Variants in ABTB3 observed in about 807,000 individuals in gnomAD.
ABTB3 encodes ankyrin repeat and BTB domain containing 3.
At chr12:107,495,481 C>T in the ABTB3 span, among the ~76,000 whole-genome samples, 1 of 152,120 alleles carries the variant, frequency 6.6e-6, no homozygotes, top group Non-Finnish European at 1.5e-5. Context: ...GTTCATAGTC[C>T]CTGGATTGGG....
the ABTB3 span, among the ~76,000 whole-genome samples, chr12:107,383,730 T>C: frequency 6.6e-6 from 1 of 152,196 alleles, no homozygotes; most frequent in East Asian, 1.9e-4. Context: ...AGGCACTGCA[T>C]AAATACACAT....
the ABTB3 span, among the ~76,000 whole-genome samples, chr12:107,657,003 G>T: frequency 6.6e-6 from 1 of 152,060 alleles, no homozygotes. Context: ...AGATCATGCC[G>T]CTGCGCTCCA....
At chr12:107,642,254 G>A in the ABTB3 span, 1 of 1,284,036 alleles carries the variant, frequency 7.8e-7, no homozygotes. Context: ...CTGAGGATTG[G>A]CCACTTGGAG....
the ABTB3 span, chr12:107,649,384 G>C: frequency 1.9e-6 from 2 of 1,027,822 alleles, no homozygotes; most frequent in Non-Finnish European, 3.1e-6. Context: ...CCCGTGTTGG[G>C]TTTTCATTTG....
chr12:107,578,249 G>A, the ABTB3 span, among the ~76,000 whole-genome samples: 3 of 152,124 alleles, frequency 2.0e-5, no homozygotes, highest in African/African-American at 7.2e-5. Flanking sequence ...AATGTTGAAA[G>A]GAGAGAATAG....
the ABTB3 span, among the ~76,000 whole-genome samples, chr12:107,468,488 G>C: frequency 6.6e-6 from 1 of 152,160 alleles, no homozygotes; most frequent in Non-Finnish European, 1.5e-5. Flanking sequence ...TGCCAGCTGG[G>C]CACGGGAGAC....
At chr12:107,573,508 G>GGATGGATGGATA in the ABTB3 span, among the ~76,000 whole-genome samples, 2 of 151,838 alleles carry the variant, frequency 1.3e-5, no homozygotes, top group Admixed American at 6.6e-5. Context: ...ATGGATGGAT[G>GGATGGATGGATA]GATAGATGGA....
At chr12:107,586,599 G>C in the ABTB3 span, among the ~76,000 whole-genome samples, 1 of 152,186 alleles carries the variant, frequency 6.6e-6, no homozygotes, top group Admixed American at 6.5e-5. Flanking sequence ...TGATGTCAAT[G>C]CATTAGCGCC....
the ABTB3 span, among the ~76,000 whole-genome samples, chr12:107,644,846 T>G: frequency 6.6e-6 from 1 of 152,152 alleles, no homozygotes; most frequent in East Asian, 1.9e-4. Flanking sequence ...TGGATGAAGC[T>G]GGATTACAGG....
At chr12:107,624,195 G>T in the ABTB3 span, among the ~76,000 whole-genome samples, 63 of 143,158 alleles carry the variant, frequency 4.4e-4, 1 homozygote, top group East Asian at 2.2e-3. Flanking sequence ...GATCGGTGGG[G>T]TTTTTTTTTT....
At chr12:107,621,186 C>T in the ABTB3 span, among the ~76,000 whole-genome samples, 18 of 152,272 alleles carry the variant, frequency 1.2e-4, no homozygotes, top group African/African-American at 3.1e-4. Context: ...TTCTCATTAG[C>T]GCCCATCCTT....
the ABTB3 span, among the ~76,000 whole-genome samples, chr12:107,531,625 G>A: frequency 1.3e-5 from 2 of 152,042 alleles, no homozygotes; most frequent in Non-Finnish European, 2.9e-5. Context: ...CTAGTTACAG[G>A]AAAACCCCTC....
At chr12:107,438,853 A>T in the ABTB3 span, among the ~76,000 whole-genome samples, 1 of 152,226 alleles carries the variant, frequency 6.6e-6, no homozygotes, top group Non-Finnish European at 1.5e-5. Flanking sequence ...CTTGGGGGGA[A>T]GTTGCTCCAG....
the ABTB3 span, chr12:107,651,881 G>A: frequency 2.9e-6 from 3 of 1,047,650 alleles, no homozygotes; most frequent in Non-Finnish European, 4.3e-6. Flanking sequence ...CAGAGAGTGG[G>A]TGCTGGGCCA....
the ABTB3 span, among the ~76,000 whole-genome samples, chr12:107,343,215 A>G: frequency 6.6e-6 from 1 of 151,978 alleles, no homozygotes; most frequent in Non-Finnish European, 1.5e-5. Flanking sequence ...GGGTCTCCCT[A>G]TGTTGCCCAG....
At chr12:107,513,775 A>C in the ABTB3 span, among the ~76,000 whole-genome samples, 2 of 152,352 alleles carry the variant, frequency 1.3e-5, no homozygotes, top group African/African-American at 4.8e-5. Flanking sequence ...CATCTAGAAA[A>C]GTAGGCACAT....
At chr12:107,480,014 G>A in the ABTB3 span, among the ~76,000 whole-genome samples, 1 of 152,126 alleles carries the variant, frequency 6.6e-6, no homozygotes, top group African/African-American at 2.4e-5. Flanking sequence ...CTCCTGGCAT[G>A]GCATACAGCC....
chr12:107,634,667 G>A, the ABTB3 span, among the ~76,000 whole-genome samples: 1 of 152,200 alleles, frequency 6.6e-6, no homozygotes, highest in Non-Finnish European at 1.5e-5. Context: ...GAGGGTCAAG[G>A]ACAAGCAGGC....
chr12:107,497,733 G>A, the ABTB3 span, among the ~76,000 whole-genome samples: 1 of 152,304 alleles, frequency 6.6e-6, no homozygotes, highest in East Asian at 1.9e-4. Flanking sequence ...GAAAATCGAT[G>A]TTCTTATTCT....
Sources: allele counts gnomAD v4.1 joint callset (sites outside exome capture counted in the v4.1 genomes callset), GRCh38; gene constraint gnomAD v4.1.1; transcripts MANE v1.5; gene names NCBI Gene and HGNC (gene_info 2026-07-23, HGNC 2026-07-21).